The following KHDRBS2 variants were observed in gnomAD, a reference collection of about 807,000 sequenced individuals.
KHDRBS2 encodes the protein KH RNA binding domain containing, signal transduction associated 2, also known as KH domain-containing, RNA-binding, signal transduction-associated protein 2.
A neutral mutation model predicts 44.3 loss-of-function variants in KHDRBS2; 26 were observed. The ratio of observed to expected loss-of-function variants is 0.59; its 90% CI spans 0.43 to 0.81. The LOEUF (loss-of-function observed/expected upper bound fraction) is 0.81. Ranked by LOEUF, KHDRBS2 falls within the 40% of genes least tolerant of loss-of-function variation. The pLI, the probability that KHDRBS2 is intolerant of heterozygous loss-of-function variation, is 0.00. For missense variants in KHDRBS2, 476 were observed against 433.1 expected, an observed-to-expected ratio of 1.10 and a Z score of -0.88; for synonymous variants, 194 against 151.1, an observed-to-expected ratio of 1.28 and a Z score of -2.08.
At chr6:62,072,552 G>C (rs780682407) in intron 2 of KHDRBS2, among the ~76,000 whole-genome samples, 42 of 152,022 alleles carry the variant, frequency 2.8e-4, no homozygotes, top group Admixed American at 1.5e-3. Context: ...TATCATGAAG[G>C]GTTGTTGAAT....
the KHDRBS2 span, among the ~76,000 whole-genome samples, chr6:61,583,927 A>T: frequency 6.6e-6 from 1 of 151,452 alleles, no homozygotes; most frequent in African/African-American, 2.4e-5. Flanking sequence ...ATGTATATAT[A>T]TATCTTTTAT....
chr6:62,220,380 T>C (rs1396910032), intron 1 of KHDRBS2, among the ~76,000 whole-genome samples: 5 of 151,806 alleles, frequency 3.3e-5, no homozygotes, highest in African/African-American at 1.2e-4. Context: ...AAATAACAAT[T>C]TTCTTTAGTA....
chr6:61,919,433 G>A (rs186247693), intron 4 of KHDRBS2, among the ~76,000 whole-genome samples: 1,587 of 151,932 alleles, frequency 0.01, 10 homozygotes, highest in Non-Finnish European at 0.015. Context: ...GGCACATTGG[G>A]AATCGACTGT....
intron 2 of KHDRBS2, among the ~76,000 whole-genome samples, chr6:62,107,537 C>A (rs554219736): frequency 6.6e-6 from 1 of 152,238 alleles, no homozygotes; most frequent in South Asian, 2.1e-4. Flanking sequence ...TTTATAGATT[C>A]AATGCCATCC....
At chr6:61,784,242 T>G (rs2053122152) in intron 6 of KHDRBS2, among the ~76,000 whole-genome samples, 1 of 151,814 alleles carries the variant, frequency 6.6e-6, no homozygotes, top group Admixed American at 6.6e-5. Context: ...TGTTCTGAGG[T>G]ATAGCTTCTC....
At chr6:61,688,766 T>G (rs1165264494) in intron 8 of KHDRBS2, among the ~76,000 whole-genome samples, 1 of 151,960 alleles carries the variant, frequency 6.6e-6, no homozygotes, top group Non-Finnish European at 1.5e-5. Flanking sequence ...TCCCTGCTTT[T>G]CCAGGTTGAT....
intron 1 of KHDRBS2, among the ~76,000 whole-genome samples, chr6:62,242,472 A>T (rs1385162957): frequency 6.6e-6 from 1 of 152,114 alleles, no homozygotes; most frequent in Non-Finnish European, 1.5e-5. Context: ...TGGCATCAGA[A>T]TCCTTCCCCT....
intron 4 of KHDRBS2, among the ~76,000 whole-genome samples, chr6:61,936,236 A>T (rs1186827079): frequency 6.6e-6 from 1 of 151,916 alleles, no homozygotes; most frequent in African/African-American, 2.4e-5. Flanking sequence ...GATTGATCAC[A>T]TTTTCTTTCT....
the KHDRBS2 span, chr6:61,574,473 C>T: frequency 1.6e-6 from 2 of 1,252,994 alleles, no homozygotes; most frequent in Non-Finnish European, 2.1e-6. Flanking sequence ...AGCCCACAGG[C>T]TCTAACCTAC....
intron 6 of KHDRBS2, among the ~76,000 whole-genome samples, chr6:61,821,169 G>A (rs966839071): frequency 6.6e-6 from 1 of 151,854 alleles, no homozygotes; most frequent in African/African-American, 2.4e-5. Context: ...CTGAATACTT[G>A]ACTTTCAACT....
At chr6:61,816,880 T>C (rs900087225) in intron 6 of KHDRBS2, 5 of 450,504 alleles carry the variant, frequency 1.1e-5, no homozygotes, top group African/African-American at 4.0e-5. Context: ...ATTTAAACCA[T>C]ACACTTTTAC....
chr6:61,735,889 A>G (rs1775246621), intron 6 of KHDRBS2, among the ~76,000 whole-genome samples: 1 of 152,032 alleles, frequency 6.6e-6, no homozygotes, highest in African/African-American at 2.4e-5. Flanking sequence ...AATTCCTATT[A>G]CTTACATGTG....
intron 2 of KHDRBS2, among the ~76,000 whole-genome samples, chr6:62,053,617 ACAT>A (rs1381242849): frequency 3.9e-5 from 6 of 151,990 alleles, no homozygotes; most frequent in Admixed American, 3.3e-4. Flanking sequence ...AACAAAGGAA[ACAT>A]CATCAGTCAA....
the KHDRBS2 span, among the ~76,000 whole-genome samples, chr6:61,633,742 T>C: frequency 6.6e-6 from 1 of 151,984 alleles, no homozygotes; most frequent in Non-Finnish European, 1.5e-5. Context: ...AAACAAACAC[T>C]GGAGCCCAAG....
At chr6:61,632,861 A>G in the KHDRBS2 span, among the ~76,000 whole-genome samples, 1 of 152,148 alleles carries the variant, frequency 6.6e-6, no homozygotes, top group African/African-American at 2.4e-5. Context: ...GTGCAATTAC[A>G]CAAATATAAA....
chr6:61,858,980 A>G (rs976836879), intron 6 of KHDRBS2, among the ~76,000 whole-genome samples: 5 of 151,952 alleles, frequency 3.3e-5, no homozygotes, highest in African/African-American at 9.7e-5. Flanking sequence ...AAAATATGGA[A>G]CAAACAGAAG....
chr6:62,004,250 CA>C (rs1778801733), intron 3 of KHDRBS2, among the ~76,000 whole-genome samples: 1 of 151,644 alleles, frequency 6.6e-6, no homozygotes, highest in East Asian at 1.9e-4. Flanking sequence ...CAAAATAGAC[CA>C]CTAGCAAGAC....
At chr6:61,646,687 A>G in the KHDRBS2 span, among the ~76,000 whole-genome samples, 1 of 152,020 alleles carries the variant, frequency 6.6e-6, no homozygotes, top group Non-Finnish European at 1.5e-5. Context: ...TATCATCTTT[A>G]CCTCCCAGAA....
At chr6:62,071,184 G>T (rs1233985474) in intron 2 of KHDRBS2, among the ~76,000 whole-genome samples, 5 of 152,028 alleles carry the variant, frequency 3.3e-5, no homozygotes, top group Admixed American at 6.6e-5. Context: ...TGTTGATGGG[G>T]TTGTTTGTTT....
Sources: allele counts gnomAD v4.1 joint callset (sites outside exome capture counted in the v4.1 genomes callset), GRCh38; gene constraint gnomAD v4.1.1; transcripts MANE v1.5; gene names NCBI Gene and HGNC (gene_info 2026-07-23, HGNC 2026-07-21).